Variants in GRIP1 observed in about 807,000 individuals in gnomAD.
GRIP1 encodes glutamate receptor-interacting protein 1.
GRIP1 carries 45 observed loss-of-function variants against 129.9 expected under a neutral mutation model. That is an observed-to-expected ratio of 0.35 (90% confidence interval 0.27 to 0.44). The LOEUF (loss-of-function observed/expected upper bound fraction) is 0.44. Among genes scored for constraint, GRIP1 ranks in the 20% least tolerant of loss-of-function variants. The pLI, the probability that GRIP1 is intolerant of heterozygous loss-of-function variation, is 1.00. For missense variants in GRIP1, 1,196 were observed against 1,396.8 expected, an observed-to-expected ratio of 0.86 and a Z score of 2.29; for synonymous variants, 530 against 520.8, an observed-to-expected ratio of 1.02 and a Z score of -0.24.
intron 15 of GRIP1, among the ~76,000 whole-genome samples, chr12:66,408,307 G>A (rs894189364): frequency 6.6e-6 from 1 of 151,850 alleles, no homozygotes; most frequent in Non-Finnish European, 1.5e-5. Flanking sequence ...GGTGAAACTC[G>A]GTCTGTACTA....
intron 1 of GRIP1, among the ~76,000 whole-genome samples, chr12:66,812,720 T>G (rs1180548361): frequency 6.6e-6 from 1 of 152,234 alleles, no homozygotes. Flanking sequence ...TTAGTGCCAG[T>G]CACATGCTAG....
intron 1 of GRIP1, among the ~76,000 whole-genome samples, chr12:67,044,201 G>A (rs2043220552): frequency 3.3e-5 from 5 of 152,094 alleles, no homozygotes. Context: ...AGAGGAGTAG[G>A]GGCATTTCTT....
chr12:66,644,995 C>T (rs190773723), intron 1 of GRIP1, among the ~76,000 whole-genome samples: 178 of 152,258 alleles, frequency 1.2e-3, no homozygotes, highest in African/African-American at 4.1e-3. Flanking sequence ...AGTATTTCTA[C>T]TAATAAAAAT....
intron 1 of GRIP1, among the ~76,000 whole-genome samples, chr12:66,895,379 C>T (rs2040729861): frequency 6.6e-6 from 1 of 152,188 alleles, no homozygotes. Flanking sequence ...TATGCCTTTG[C>T]TCCTCCTTTG....
At chr12:67,038,296 G>C (rs1239472871) in intron 1 of GRIP1, among the ~76,000 whole-genome samples, 1 of 152,296 alleles carries the variant, frequency 6.6e-6, no homozygotes, top group South Asian at 2.1e-4. Context: ...ATTCCTGTGA[G>C]CCAGCTCCAT....
At chr12:66,947,550 T>C (rs1431900692) in intron 1 of GRIP1, among the ~76,000 whole-genome samples, 1 of 152,200 alleles carries the variant, frequency 6.6e-6, no homozygotes, top group Admixed American at 6.5e-5. Context: ...ATACGGTACA[T>C]GCTGCTTCAT....
At chr12:66,454,154 A>G (rs185291192) in intron 11 of GRIP1, among the ~76,000 whole-genome samples, 1 of 151,876 alleles carries the variant, frequency 6.6e-6, no homozygotes, top group African/African-American at 2.4e-5. Flanking sequence ...AGTTTCCTGT[A>G]TCATGAAGAA....
chr12:66,457,975 A>AG, intron 9 of GRIP1, among the ~76,000 whole-genome samples: 1 of 152,388 alleles, frequency 6.6e-6, no homozygotes, highest in East Asian at 1.9e-4. Flanking sequence ...CAGAATAAAA[A>AG]CAAATGAGTT....
intron 1 of GRIP1, among the ~76,000 whole-genome samples, chr12:66,757,503 C>T (rs1315682875): frequency 6.6e-6 from 1 of 152,144 alleles, no homozygotes; most frequent in African/African-American, 2.4e-5. Flanking sequence ...TCATCAGCAA[C>T]AAAGGTTGCT....
chr12:66,913,373 G>A (rs1447460327), intron 1 of GRIP1, among the ~76,000 whole-genome samples: 1 of 152,066 alleles, frequency 6.6e-6, no homozygotes, highest in Non-Finnish European at 1.5e-5. Flanking sequence ...CACCAGAGAT[G>A]ACACAAGCCT....
intron 1 of GRIP1, among the ~76,000 whole-genome samples, chr12:67,066,771 GAAA>G (rs2043632651): frequency 1.3e-5 from 2 of 151,594 alleles, no homozygotes; most frequent in South Asian, 4.2e-4. Flanking sequence ...AATACAAATA[GAAA>G]ACATCTCTCA....
intron 1 of GRIP1, among the ~76,000 whole-genome samples, chr12:66,771,129 T>C (rs368058925): frequency 1.3e-5 from 2 of 152,158 alleles, no homozygotes; most frequent in East Asian, 1.9e-4. Context: ...CCCTCAGCAG[T>C]TGGCCTATAT....
chr12:66,568,370 C>T (rs117984448), intron 2 of GRIP1: 1 of 168,794 alleles, frequency 5.9e-6, no homozygotes, highest in African/African-American at 2.4e-5. Flanking sequence ...AAAAGAGATC[C>T]TCTTTCAAGA....
At chr12:66,997,649 T>TG (rs1320277252) in intron 1 of GRIP1, among the ~76,000 whole-genome samples, 1 of 152,148 alleles carries the variant, frequency 6.6e-6, no homozygotes, top group Non-Finnish European at 1.5e-5. Context: ...AACTCCTGGC[T>TG]ATGAATAATG....
chr12:66,666,416 T>C (rs1004373475), intron 1 of GRIP1, among the ~76,000 whole-genome samples: 1 of 152,134 alleles, frequency 6.6e-6, no homozygotes, highest in African/African-American at 2.4e-5. Context: ...CCAGCTTTTG[T>C]CCCCCTTAGG....
At chr12:66,751,572 T>A (rs1248480596) in intron 1 of GRIP1, among the ~76,000 whole-genome samples, 1 of 152,206 alleles carries the variant, frequency 6.6e-6, no homozygotes, top group East Asian at 1.9e-4. Flanking sequence ...ACCTCCTCCA[T>A]GAAGCCTTCT....
intron 1 of GRIP1, among the ~76,000 whole-genome samples, chr12:66,933,245 G>T (rs1051396374): frequency 6.6e-6 from 1 of 152,156 alleles, no homozygotes; most frequent in Admixed American, 6.5e-5. Context: ...GCATGACTAA[G>T]TATGTACCTC....
At chr12:66,693,087 T>C (rs1403692686) in intron 1 of GRIP1, among the ~76,000 whole-genome samples, 1 of 152,108 alleles carries the variant, frequency 6.6e-6, no homozygotes, top group Non-Finnish European at 1.5e-5. Flanking sequence ...ATGAATGTTG[T>C]TATAATAGTA....
chr12:66,744,440 CT>C (rs1311673236), intron 1 of GRIP1, among the ~76,000 whole-genome samples: 1 of 152,092 alleles, frequency 6.6e-6, no homozygotes, highest in Non-Finnish European at 1.5e-5. Flanking sequence ...TTTTGATGAG[CT>C]TCTGGTTCCT....
Sources: gnomAD v4.1 joint callset for allele counts (sites outside exome capture counted in the v4.1 genomes callset) on GRCh38, gnomAD v4.1.1 for gene constraint, MANE v1.5 for transcripts, NCBI Gene and HGNC (gene_info 2026-07-23, HGNC 2026-07-21) for gene names.